The following ATP7B variants were observed in gnomAD, a reference collection of about 807,000 sequenced individuals.
ATP7B encodes ATPase copper transporting beta, also known as copper-transporting ATPase 2.
ATP7B carries 113 observed loss-of-function variants against 118.9 expected under a neutral mutation model. That is an observed-to-expected ratio of 0.95 (90% CI 0.82 to 1.11). The LOEUF (loss-of-function observed/expected upper bound fraction) is 1.11, where lower values mean the gene tolerates loss of function less well. Ranked by LOEUF, ATP7B falls within the 50% of genes most tolerant of loss-of-function variation. The pLI, the probability that ATP7B is intolerant of heterozygous loss-of-function variation, is 0.00. For synonymous variants in ATP7B, 777 were observed against 727.4 expected, an observed-to-expected ratio of 1.07 and a Z score of -1.10; for missense variants, 1,867 against 1,871.4, an observed-to-expected ratio of 1.00 and a Z score of 0.04.
At chr13:52,001,921 C>T (rs546500315) in intron 1 of ATP7B, among the ~76,000 whole-genome samples, 1 of 152,108 alleles carries the variant, frequency 6.6e-6, no homozygotes, top group Non-Finnish European at 1.5e-5. Context: ...CTCCCAAGTA[C>T]CTGGGGCTAC....
chr13:51,963,433 C>T (rs748572036), intron 5 of ATP7B, among the ~76,000 whole-genome samples: 45 of 152,058 alleles, frequency 3.0e-4, no homozygotes, highest in Non-Finnish European at 5.3e-4. Context: ...TGATCATTTC[C>T]ATGTCAAAAA....
At chr13:51,984,775 G>T (rs1025998586) in intron 1 of ATP7B, among the ~76,000 whole-genome samples, 5 of 152,200 alleles carry the variant, frequency 3.3e-5, no homozygotes, top group South Asian at 2.1e-4. Context: ...CATTCTTAAA[G>T]AAAATAATTT....
At chr13:51,945,627 A>G (rs913763607) in intron 13 of ATP7B, among the ~76,000 whole-genome samples, 7 of 152,166 alleles carry the variant, frequency 4.6e-5, no homozygotes, top group African/African-American at 1.7e-4. Flanking sequence ...ACCACCAGTC[A>G]ATACTCAGTA....
intron 9 of ATP7B, among the ~76,000 whole-genome samples, chr13:51,950,749 GGGA>G (rs79951298): frequency 0.042 from 6,463 of 152,182 alleles, 207 homozygotes; most frequent in South Asian, 0.11. Context: ...GAGTGGCAGA[GGGA>G]GGAGGAGACA....
chr13:51,963,647 A>G (rs533504032), intron 5 of ATP7B, among the ~76,000 whole-genome samples: 1 of 151,620 alleles, frequency 6.6e-6, no homozygotes, highest in Non-Finnish European at 1.5e-5. Flanking sequence ...GAGGCAGGAG[A>G]ATCGCTTGAT....
At position 51,937,649 on chromosome 13, in the gene ATP7B, GC is replaced by G; in HGVS notation, c.3729del (p.Leu1244CysfsTer86). 1 of 1,614,270 alleles carries G rather than the reference GC, an allele frequency of 6.2e-7. No homozygotes were observed. Among genetic ancestry groups the G allele is most frequent in the Non-Finnish European group, 8.5e-7 (1 of 1,180,052 alleles). On this transcript the variant is annotated frameshift_variant, in exon 18 of 21. Transcript: ENST00000242839. LOFTEE classifies it high-confidence loss of function. Reference protein sequence around the residue: ...QVGINKVFAEVLPSHKVAKVQ... With the variant: ...QVGINKVFAEXLPSHKVAKVQ... ...ACCTTGGCCACCTTGTGCGAAGGCAGCACCTCTGCAAAGACTTTGTTGATGC... is the reference window on the plus strand; with the variant it reads ...ACCTTGGCCACCTTGTGCGAAGGCAGACCTCTGCAAAGACTTTGTTGATGC...
At chr13:52,006,733 A>G (rs1267535390) in intron 1 of ATP7B, among the ~76,000 whole-genome samples, 1 of 152,150 alleles carries the variant, frequency 6.6e-6, no homozygotes, top group Admixed American at 6.5e-5. Context: ...CGCCCCTCAC[A>G]GTCCCCTAAA....
intron 14 of ATP7B, among the ~76,000 whole-genome samples, chr13:51,943,310 A>G (rs1055464860): frequency 2.0e-5 from 3 of 152,196 alleles, no homozygotes; most frequent in Non-Finnish European, 4.4e-5. Flanking sequence ...CAACAAATAA[A>G]GGATGACTGA....
In ATP7B at chr13:51,950,046, A is replaced by G; in HGVS notation, c.2691T>C (p.Ala897=). The change falls in exon 11 of 21, where the codon GCT becomes GCC. Residue 897 remains alanine (A), a synonymous_variant. Coordinates refer to ENST00000242839, the MANE Select transcript of ATP7B (RefSeq NM_000053.4). Reference sequence around the variant, plus strand: ...CCTCTTCCACCAGTTTCACAATCTGAGCCAAAGTGGTGTCATTGCCCACGT... The same window carrying G: ...CCTCTTCCACCAGTTTCACAATCTGGGCCAAAGTGGTGTCATTGCCCACGT... ...ATHVGNDTTL[A]QIVKLVEEAQ... 1 of 1,614,212 alleles carries G rather than the reference A, an allele frequency of 6.2e-7. No individual in the cohort carries two copies. The highest frequency in any genetic ancestry group is 8.5e-7 in the Non-Finnish European group (1 of 1,180,034).
rs749968753 is a variant in ATP7B at position 51,970,540 on chromosome 13, A to T, written c.1495T>A (p.Cys499Ser). ...KCFLQIKGMTCASCVSNIERN... is the reference protein window; with the variant it reads ...KCFLQIKGMTSASCVSNIERN... The stretch of plus-strand genomic sequence containing the variant: ...TCTATGTTAGACACACAGGATGCAC[A>T]GGTCATGCCTTTGATCTGTAAGAAG... The change falls in exon 3 of 21, where the codon TGT becomes AGT. Residue 499 changes from cysteine (C) to serine (S), a missense_variant. Coordinates refer to ENST00000242839, the MANE Select transcript of ATP7B (RefSeq NM_000053.4). 4.3e-6 allele frequency: 7 copies of T among 1,614,190 alleles called. No homozygotes were observed. Among genetic ancestry groups the T allele is most frequent in the Non-Finnish European group, 5.9e-6 (7 of 1,180,026 alleles).
intron 20 of ATP7B, among the ~76,000 whole-genome samples, chr13:51,935,379 G>A (rs938378606): frequency 7.2e-5 from 11 of 152,198 alleles, no homozygotes; most frequent in African/African-American, 2.7e-4. Flanking sequence ...GCAGAGTAAG[G>A]GCAGCCCAGC....
At position 51,973,794 on chromosome 13, in the gene ATP7B, G is replaced by A. The variant is rs576162897; in HGVS notation, c.1285+141C>T. The stretch of plus-strand genomic sequence containing the variant: ...TCCTCTATCTTAACAAATTTAACAT[G>A]CAAGGAAAGTTTGCAGGATTTTGTT... On this transcript the variant is annotated intron_variant, in intron 2 of 20. Transcript: ENST00000242839. 3.4e-5 allele frequency: 43 copies of A among 1,266,990 alleles called. No homozygotes were observed. The South Asian group carries it at 5.0e-4, about 15-fold the overall frequency. 78.5% of individuals were successfully genotyped at this position (1,266,990 alleles called of 1,614,324 possible). A position where few individuals can be genotyped will look rare whatever the true frequency, so the allele number is the denominator to read the frequency against.
At chr13:51,956,273 A>G (rs964781820) in intron 9 of ATP7B, among the ~76,000 whole-genome samples, 2 of 152,208 alleles carry the variant, frequency 1.3e-5, no homozygotes, top group Non-Finnish European at 2.9e-5. Context: ...GCCCAGGGCC[A>G]GCTGCACCAG....
In ATP7B at chr13:51,933,470, C is replaced by T. The variant is rs904728739; in HGVS notation, c.*1286G>A. ...TTGTGTGGGAGAAAAGGGTTTCACC[C>T]AGAATTTAATCCAACTCTACTAGTT... On this transcript the variant is annotated 3_prime_UTR_variant, in exon 21 of 21. Coordinates refer to ENST00000242839, the MANE Select transcript of ATP7B (RefSeq NM_000053.4). 2.0e-5 allele frequency: 3 copies of T among 152,230 alleles called. No individual in the cohort carries two copies. Among genetic ancestry groups the T allele is most frequent in the Non-Finnish European group, 2.9e-5 (2 of 68,032 alleles). 9.4% of individuals were successfully genotyped at this position (152,230 alleles called of 1,614,324 possible).
At chr13:52,011,186 C>T (rs1954015267) in intron 1 of ATP7B, 101 bp downstream of exon 1, 7 of 1,575,054 alleles carry the variant, frequency 4.4e-6, no homozygotes, top group South Asian at 2.2e-5. Context: ...GCTCGGCCTT[C>T]CCTGCGCACC....
chr13:51,938,839 T>C (rs564644448), intron 17 of ATP7B, among the ~76,000 whole-genome samples: 3 of 152,326 alleles, frequency 2.0e-5, no homozygotes, highest in African/African-American at 7.2e-5. Context: ...CCAGGATGCA[T>C]GCGCCCAAGC....
intron 7 of ATP7B, 149 bp downstream of exon 7, chr13:51,959,999 A>C (rs1958623938): frequency 5.3e-6 from 6 of 1,136,096 alleles, no homozygotes; most frequent in Admixed American, 2.1e-5. Context: ...GAGAGAAAAA[A>C]AGCAGCAACT....
chr13:51,939,218 C>T (rs2138675627), intron 16 of ATP7B, 25 bp from the exon 17 acceptor site: 1 of 1,611,280 alleles, frequency 6.2e-7, no homozygotes, highest in African/African-American at 1.3e-5. Flanking sequence ...CCAGCATCAG[C>T]AGCTACACAA....
At chr13:51,971,812 C>A (rs1277909935) in intron 2 of ATP7B, among the ~76,000 whole-genome samples, 1 of 152,248 alleles carries the variant, frequency 6.6e-6, no homozygotes, top group African/African-American at 2.4e-5. Context: ...GCTGAGTGAA[C>A]TTTTCAAGGA....
Sources: allele counts gnomAD v4.1 joint callset (sites outside exome capture counted in the v4.1 genomes callset), GRCh38; gene constraint gnomAD v4.1.1; transcripts MANE v1.5; gene names NCBI Gene and HGNC (gene_info 2026-07-23, HGNC 2026-07-21).